GART: variants seen among roughly 807,000 people sequenced by gnomAD.
GART encodes phosphoribosylglycinamide formyltransferase, phosphoribosylglycinamide synthetase, phosphoribosylaminoimidazole synthetase, also known as trifunctional purine biosynthetic protein adenosine-3.
GART carries 43 observed loss-of-function variants against 107.2 expected under a neutral mutation model. The ratio of observed to expected loss-of-function variants is 0.40; its 90% CI spans 0.31 to 0.52. The LOEUF (loss-of-function observed/expected upper bound fraction) is 0.52. GART is among the 20% of genes least tolerant of loss of function. The pLI is 0.52. For missense variants in GART, 1,107 were observed against 1,206.5 expected, an observed-to-expected ratio of 0.92 and a Z score of 1.22; for synonymous variants, 434 against 427.0, an observed-to-expected ratio of 1.02 and a Z score of -0.20.
intron 1 of GART, 65 bp from the exon 2 acceptor site, chr21:33,539,421 AG>A (rs2085366943): frequency 1.0e-5 from 13 of 1,265,264 alleles, no homozygotes. Context: ...GGACGGGCAC[AG>A]TGGCTCATGC....
intron 18 of GART, among the ~76,000 whole-genome samples, chr21:33,508,228 T>C: frequency 6.6e-6 from 1 of 152,156 alleles, no homozygotes; most frequent in South Asian, 2.1e-4. Context: ...TATAACATTA[T>C]GTTAAAACTG....
chr21:33,539,650 G>T (rs1001064367), intron 1 of GART, among the ~76,000 whole-genome samples: 1 of 151,264 alleles, frequency 6.6e-6, no homozygotes, highest in Non-Finnish European at 1.5e-5. Flanking sequence ...CCAGGATCAC[G>T]TCACTACACT....
chr21:33,535,396 TA>T (rs1569035567), intron 2 of GART, 76 bp from the exon 3 acceptor site: 5 of 878,442 alleles, frequency 5.7e-6, no homozygotes, highest in East Asian at 5.5e-5. Flanking sequence ...AGTGTCTCAC[TA>T]AAAAAACTAA....
At chr21:33,509,673 C>T (rs796176604) in intron 18 of GART, 110 bp downstream of exon 18, 14 of 1,054,394 alleles carry the variant, frequency 1.3e-5, no homozygotes, top group Non-Finnish European at 1.7e-5. Flanking sequence ...CCTCATGATT[C>T]CCCCCAGTCC....
intron 16 of GART, among the ~76,000 whole-genome samples, chr21:33,513,884 T>C (rs749934793): frequency 3.9e-5 from 6 of 152,200 alleles, no homozygotes; most frequent in Admixed American, 2.6e-4. Context: ...TTACAAAATA[T>C]TTATAGGAAA....
intron 10 of GART, among the ~76,000 whole-genome samples, chr21:33,527,366 G>T (rs1217014587): frequency 6.6e-6 from 1 of 151,924 alleles, no homozygotes; most frequent in East Asian, 1.9e-4. Flanking sequence ...TAAAAATACA[G>T]AAATTAGCTG....
Position 33,532,327 on chromosome 21 carries a change from T to A in GART, c.528+18A>T, listed in dbSNP as rs766417211. ...AGTATGAATAGAAAAGTAAATTTTT[T>A]CAGAAGACCCAGCCTACCTGCATGA... On this transcript the variant is annotated intron_variant, in intron 5 of 21. Transcript: ENST00000381815. 2.1e-5 allele frequency: 34 copies of A among 1,583,444 alleles called. 1 individual carries two copies. The South Asian group carries it at 3.8e-4, about 18-fold the overall frequency.
chr21:33,511,204 ATT>A (rs1198889002), intron 17 of GART, 46 bp downstream of exon 17: 3 of 1,600,448 alleles, frequency 1.9e-6, no homozygotes, highest in Non-Finnish European at 2.6e-6. Context: ...TATAGCTAAA[ATT>A]ATACAGCTAA....
At chr21:33,507,695 A>G (rs1376639842) in intron 18 of GART, among the ~76,000 whole-genome samples, 1 of 152,046 alleles carries the variant, frequency 6.6e-6, no homozygotes, top group Non-Finnish European at 1.5e-5. Context: ...AGCCAGGCAT[A>G]GTGGCAGGTG....
At chr21:33,521,493 G>A (rs559054246) in intron 12 of GART, among the ~76,000 whole-genome samples, 6 of 152,064 alleles carry the variant, frequency 3.9e-5, no homozygotes, top group East Asian at 1.9e-4. Flanking sequence ...TTAGCTGGGC[G>A]TGGTGGCGGG....
At position 33,520,412 on chromosome 21, in the gene GART, C is replaced by G. The variant is rs146964652; in HGVS notation, c.1654G>C (p.Val552Leu). ...KLDLSVTEAVVAGIAKACGKA... is the reference protein window; with the variant it reads ...KLDLSVTEAVLAGIAKACGKA... ...CCACAAGCTTTAGCAATTCCAGCAA[C>G]AACAGCTTCAGTTACACTGAGGTCA... is the stretch of plus-strand genomic sequence containing the variant. The change falls in exon 14 of 22, where the codon GTT (valine) becomes CTT (leucine). Residue 552 changes from valine to leucine, a missense_variant. Coordinates refer to ENST00000381815, the MANE Select transcript of GART (RefSeq NM_000819.5). The G allele has an allele frequency of 1.7e-5, 28 of 1,614,134 alleles. No homozygotes were observed. The highest frequency in any genetic ancestry group is 2.4e-5 in the Non-Finnish European group (28 of 1,180,010).
chr21:33,515,050 C>T (rs1415306140), intron 16 of GART, among the ~76,000 whole-genome samples: 2 of 152,208 alleles, frequency 1.3e-5, no homozygotes, highest in African/African-American at 2.4e-5. Flanking sequence ...CCTAACTAAT[C>T]TATTTTTTTT....
intron 18 of GART, among the ~76,000 whole-genome samples, chr21:33,508,158 G>A (rs115388038): frequency 0.021 from 3,239 of 152,168 alleles, 116 homozygotes; most frequent in African/African-American, 0.074. Context: ...ATTGCTCCTA[G>A]GATATGTAAT....
In GART at chr21:33,517,081, G is replaced by A. The variant is rs775781079; in HGVS notation, c.2015C>T (p.Ser672Leu). 1 of 1,613,394 alleles carries A rather than the reference G, an allele frequency of 6.2e-7. No homozygotes were observed. The highest frequency in any genetic ancestry group is 1.1e-5 in the South Asian group (1 of 91,048). Residue 672 changes from serine to leucine, a missense_variant, in exon 16 of 22, where the codon TCA becomes TTA. Coordinates refer to ENST00000381815, the MANE Select transcript of GART (RefSeq NM_000819.5). The stretch of plus-strand genomic sequence containing the variant: ...ATGGGCAAAGGCTTTGACATGTCCT[G>A]AACGTAGGACAGGTAACAGTGAATG... The part of the protein sequence containing the change: ...YSHSLLPVLR[S>L]GHVKAFAHIT...
At position 33,504,461 on chromosome 21, in the gene GART, G is replaced by A; in HGVS notation, c.2792C>T (p.Ala931Val). 1.2e-6 allele frequency: 2 copies of A among 1,614,100 alleles called. No homozygotes were observed. Among genetic ancestry groups the A allele is most frequent in the South Asian group, 1.1e-5 (1 of 91,080 alleles). Reference protein sequence around the residue: ...SFKGSNAHEQALETGVTVTGC... With the variant: ...SFKGSNAHEQVLETGVTVTGC... ...AGTAACTGTGACTCCGGTTTCCAGG[G>A]CTTGCTCATGGGCATTTGAACCCTT... Residue 931 changes from alanine (A) to valine (V), a missense_variant, in exon 21 of 22, where the codon GCC (alanine) becomes GTC (valine). Ala to Val is a moderately conservative substitution (Grantham distance 64). Coordinates refer to ENST00000381815, the MANE Select transcript of GART (RefSeq NM_000819.5).
chr21:33,539,200 G>C lies in GART; in HGVS notation c.116C>G (p.Thr39Ser), dbSNP rs142864430. Reference protein sequence around the residue: ...QVLVAPGNAGTACSEKISNTA... With the variant: ...QVLVAPGNAGSACSEKISNTA... Reference sequence around the variant, plus strand: ...ATTTGAAATCTTTTCAGAGCAGGCAGTGCCTGCGTTTCCTGGGGCAACCAA... The same window carrying C: ...ATTTGAAATCTTTTCAGAGCAGGCACTGCCTGCGTTTCCTGGGGCAACCAA... Residue 39 changes from threonine (T) to serine (S), a missense_variant, in exon 2 of 22, where the codon ACT (threonine) becomes AGT (serine). Coordinates refer to ENST00000381815, the MANE Select transcript of GART (RefSeq NM_000819.5). 39 of 1,613,804 alleles carry C rather than the reference G, an allele frequency of 2.4e-5. No individual in the cohort carries two copies. Among genetic ancestry groups the C allele is most frequent in the Non-Finnish European group, 3.0e-5 (35 of 1,179,872 alleles).
In GART at chr21:33,517,345, G is replaced by A. The variant is rs2084896874; in HGVS notation, c.1954+12C>T. On this transcript the variant is annotated intron_variant, in intron 15 of 21. Transcript: ENST00000381815. ...TTTCCAAGCAGGACAGTTTAAACAT[G>A]AGGGAGTTTACCTAAAGTCTGGTCA... 1 of 1,613,960 alleles carries A rather than the reference G, an allele frequency of 6.2e-7. No homozygotes were observed. Among genetic ancestry groups the A allele is most frequent in the Non-Finnish European group, 8.5e-7 (1 of 1,180,010 alleles).
chr21:33,538,533 G>A (rs1426823686), intron 2 of GART, among the ~76,000 whole-genome samples: 1 of 151,886 alleles, frequency 6.6e-6, no homozygotes, highest in South Asian at 2.1e-4. Context: ...GCACGTGGCC[G>A]CAAGTTGTAT....
intron 18 of GART, chr21:33,509,473 C>T (rs1453074175): frequency 8.8e-6 from 2 of 228,390 alleles, no homozygotes; most frequent in African/African-American, 4.5e-5. Flanking sequence ...AATAAGATAA[C>T]AATAAAAATT....
Sources: gnomAD v4.1 joint callset for allele counts (sites outside exome capture counted in the v4.1 genomes callset) on GRCh38, gnomAD v4.1.1 for gene constraint, MANE v1.5 for transcripts, NCBI Gene and HGNC (gene_info 2026-07-23, HGNC 2026-07-21) for gene names.